Variants in TRPC4 observed in about 807,000 individuals in gnomAD.
TRPC4 encodes transient receptor potential cation channel subfamily C member 4, also known as short transient receptor potential channel 4.
A neutral mutation model predicts 99.4 loss-of-function variants in TRPC4; 49 were observed. That is an observed-to-expected ratio of 0.49 (90% CI 0.39 to 0.63). The LOEUF is 0.63. Ranked by LOEUF, TRPC4 falls within the 20% of genes least tolerant of loss-of-function variation. The pLI, the probability that TRPC4 is intolerant of heterozygous loss-of-function variation, is 0.00. For synonymous variants in TRPC4, 454 were observed against 425.9 expected (o/e 1.07, Z -0.81); for missense variants, 898 against 1,152.9 (o/e 0.78, Z 3.20).
In TRPC4 at chr13:37,697,928, A is replaced by T. The variant is rs143311956; in HGVS notation, c.898-5593T>A. 4.3e-4 allele frequency among the ~76,000 whole-genome samples: 65 copies of T among 152,102 alleles called. No individual in the cohort carries two copies. In the East Asian group the frequency reaches 0.012, roughly 28 times the overall value. On this transcript the variant is annotated intron_variant, in intron 3 of 10. Coordinates refer to ENST00000379705, the MANE Select transcript of TRPC4 (RefSeq NM_016179.4). Reference sequence around the variant, plus strand: ...CTATAAAGTAAGAAATATACAGCTGACCTTGAAACTCTGGGAATGTCTGTG... The same window carrying T: ...CTATAAAGTAAGAAATATACAGCTGTCCTTGAAACTCTGGGAATGTCTGTG...
chr13:37,633,817 C>T lies in TRPC4; in HGVS notation c.*3086G>A, dbSNP rs1566053288. ...ATGTTTAGCACTTTGAAAAATTACT[C>T]ATGATTTTATAAAATAATTCACCCC... is the stretch of plus-strand genomic sequence containing the variant. On this transcript the variant is annotated 3_prime_UTR_variant, in exon 11 of 11. Transcript: ENST00000379705. Among the ~76,000 whole-genome samples, 2 of 152,050 alleles carry T rather than the reference C, an allele frequency of 1.3e-5. No individual in the cohort carries two copies. The highest frequency in any genetic ancestry group is 6.6e-5 in the Admixed American group (1 of 15,242).
intron 2 of TRPC4, among the ~76,000 whole-genome samples, chr13:37,772,398 G>C (rs1429184126): frequency 6.6e-6 from 1 of 151,368 alleles, no homozygotes; most frequent in Non-Finnish European, 1.5e-5. Flanking sequence ...GGAGAGGGAG[G>C]GAAATGAAGA....
At chr13:37,695,544 G>A (rs912954032) in intron 3 of TRPC4, among the ~76,000 whole-genome samples, 3 of 152,118 alleles carry the variant, frequency 2.0e-5, no homozygotes, top group Non-Finnish European at 2.9e-5. Flanking sequence ...CATTACAGCC[G>A]TTCTTTCTCT....
chr13:37,843,800 T>A (rs1008253919), intron 1 of TRPC4, among the ~76,000 whole-genome samples: 2 of 151,960 alleles, frequency 1.3e-5, no homozygotes, highest in Non-Finnish European at 2.9e-5. Flanking sequence ...ACCACAGAAA[T>A]CTAACCAGCA....
chr13:37,835,254 C>A (rs750699179), intron 1 of TRPC4, among the ~76,000 whole-genome samples: 5 of 152,116 alleles, frequency 3.3e-5, no homozygotes, highest in Admixed American at 1.3e-4. Flanking sequence ...ATTTTAACTT[C>A]ATGCCTTCAA....
At chr13:37,671,319 A>C (rs982761553) in intron 5 of TRPC4, among the ~76,000 whole-genome samples, 3 of 152,174 alleles carry the variant, frequency 2.0e-5, no homozygotes, top group Non-Finnish European at 4.4e-5. Context: ...CAAATCAGAA[A>C]ATCAGAGTGA....
At chr13:37,803,000 T>C (rs1196739290) in intron 1 of TRPC4, among the ~76,000 whole-genome samples, 1 of 152,038 alleles carries the variant, frequency 6.6e-6, no homozygotes, top group African/African-American at 2.4e-5. Flanking sequence ...CATTTATTTA[T>C]GTCATTATGG....
chr13:37,868,302 C>T (rs900172176), intron 1 of TRPC4, among the ~76,000 whole-genome samples: 5 of 151,466 alleles, frequency 3.3e-5, no homozygotes, highest in Non-Finnish European at 5.9e-5. Context: ...TTTTTTTTCC[C>T]CCCTTAAACA....
intron 1 of TRPC4, among the ~76,000 whole-genome samples, chr13:37,796,623 TC>T (rs1957252599): frequency 6.6e-6 from 1 of 152,042 alleles, no homozygotes. Context: ...CTCCTGGAGC[TC>T]CCCTAAATAT....
At chr13:37,732,658 C>T (rs1465253786) in intron 3 of TRPC4, among the ~76,000 whole-genome samples, 1 of 152,036 alleles carries the variant, frequency 6.6e-6, no homozygotes. Flanking sequence ...ATCAGTAGCG[C>T]TTCTACATGC....
chr13:37,655,288 A>G lies in TRPC4; in HGVS notation c.1689-5T>C, dbSNP rs1410877453. ...GACTGCAGTGTCTCAAATAACCTGT[A>G]ATAAAGATAAAATGATACTAATAGC... On this transcript the variant is annotated splice_region_variant and splice_polypyrimidine_tract_variant and intron_variant, in intron 6 of 10. Coordinates refer to ENST00000379705, the MANE Select transcript of TRPC4 (RefSeq NM_016179.4). 2.0e-6 allele frequency: 3 copies of G among 1,509,690 alleles called. No homozygotes were observed. In the South Asian group the frequency reaches 4.1e-5, roughly 21 times the overall value. 93.5% of individuals were successfully genotyped at this position (1,509,690 alleles called of 1,614,324 possible). A position where few individuals can be genotyped will look rare whatever the true frequency, so the allele number is the denominator to read the frequency against.
intron 3 of TRPC4, among the ~76,000 whole-genome samples, chr13:37,716,887 A>G (rs534352089): frequency 3.9e-5 from 6 of 152,210 alleles, no homozygotes; most frequent in African/African-American, 1.4e-4. Context: ...TGAGTTCTTA[A>G]AGTGTTTTTT....
intron 3 of TRPC4, among the ~76,000 whole-genome samples, chr13:37,699,951 C>T (rs1251635393): frequency 9.9e-6 from 1 of 101,504 alleles, no homozygotes; most frequent in South Asian, 2.7e-4. Flanking sequence ...GGAAATAAAG[C>T]ATGTGTGTGG....
intron 1 of TRPC4, among the ~76,000 whole-genome samples, chr13:37,829,598 A>C (rs2139586049): frequency 6.6e-6 from 1 of 152,324 alleles, no homozygotes; most frequent in South Asian, 2.1e-4. Flanking sequence ...TCCTCAAAAA[A>C]ATTAAACATA....
intron 1 of TRPC4, among the ~76,000 whole-genome samples, chr13:37,850,577 G>T (rs1003331605): frequency 6.6e-6 from 1 of 151,958 alleles, no homozygotes; most frequent in East Asian, 1.9e-4. Context: ...TGTGCCATAA[G>T]AATATAATTT....
chr13:37,779,627 T>C (rs1956788359), intron 2 of TRPC4, among the ~76,000 whole-genome samples: 1 of 152,020 alleles, frequency 6.6e-6, no homozygotes, highest in Non-Finnish European at 1.5e-5. Context: ...AAAACCAATG[T>C]CAGAACTGCA....
chr13:37,795,889 T>A (rs1004412391), intron 1 of TRPC4, among the ~76,000 whole-genome samples: 3 of 152,150 alleles, frequency 2.0e-5, no homozygotes, highest in African/African-American at 7.2e-5. Context: ...GGCAATACAT[T>A]TCTGTGGCTC....
intron 2 of TRPC4, among the ~76,000 whole-genome samples, chr13:37,779,896 C>A (rs1221508289): frequency 6.6e-6 from 1 of 152,056 alleles, no homozygotes; most frequent in Non-Finnish European, 1.5e-5. Flanking sequence ...CAGCCCTCTA[C>A]CCACTAACAT....
chr13:37,665,700 A>G (rs1161130951), intron 5 of TRPC4, among the ~76,000 whole-genome samples: 1 of 152,116 alleles, frequency 6.6e-6, no homozygotes, highest in African/African-American at 2.4e-5. Context: ...CTTCAAATCT[A>G]GGAAAGATGC....
Sources: allele counts gnomAD v4.1 joint callset (sites outside exome capture counted in the v4.1 genomes callset), GRCh38; gene constraint gnomAD v4.1.1; transcripts MANE v1.5; gene names NCBI Gene and HGNC (gene_info 2026-07-23, HGNC 2026-07-21).